EPB42: variants seen among roughly 807,000 people sequenced by gnomAD.
The protein encoded by EPB42 is erythrocyte membrane protein band 4.2.
In EPB42, 49 loss-of-function variants were observed where a neutral mutation model predicts 76.9. The ratio of observed to expected loss-of-function variants is 0.64; its 90% CI spans 0.51 to 0.81. The LOEUF is 0.81. Among genes scored for constraint, EPB42 ranks in the 30% least tolerant of loss-of-function variants. EPB42 has a pLI of 0.00. For synonymous variants in EPB42, 310 were observed against 338.4 expected, an observed-to-expected ratio of 0.92 and a Z score of 0.92; for missense variants, 731 against 867.6, an observed-to-expected ratio of 0.84 and a Z score of 1.98.
intron 4 of EPB42, among the ~76,000 whole-genome samples, 198 bp from the exon 5 acceptor site, chr15:43,210,637 G>C (rs1258420813): frequency 6.6e-6 from 1 of 152,108 alleles, no homozygotes; most frequent in Non-Finnish European, 1.5e-5. Flanking sequence ...ATGGGACCTG[G>C]GTTCCTTTTC....
chr15:43,221,821 T>TAAAAAAAAAAAAAAAAAAA, upstream of EPB42, among the ~76,000 whole-genome samples: 1 of 107,470 alleles, frequency 9.3e-6, no homozygotes, highest in Non-Finnish European at 1.9e-5. Flanking sequence ...TCTTATTATG[T>TAAAAAAAAAAAAAAAAAAA]AAAAAAAAAA....
At chr15:43,210,301 C>T (rs1039614446) in intron 5 of EPB42, 34 bp downstream of exon 5, 2 of 1,596,390 alleles carry the variant, frequency 1.3e-6, no homozygotes, top group Non-Finnish European at 1.7e-6. Context: ...TTTCTCACCC[C>T]TGCCCCATTC....
chr15:43,205,270 G>A lies in EPB42; in HGVS notation c.1618+1060C>T, dbSNP rs139122056. On this transcript the variant is annotated intron_variant, in intron 10 of 12. Coordinates refer to ENST00000441366, the MANE Select transcript of EPB42 (RefSeq NM_001114134.2). Reference sequence around the variant, plus strand: ...AAAGGGAAGAGTGATACAGAGACTGGAGGTGAGGTGACCGGTTAGAAGGCT... The same window carrying A: ...AAAGGGAAGAGTGATACAGAGACTGAAGGTGAGGTGACCGGTTAGAAGGCT... Among the ~76,000 whole-genome samples the A allele has an allele frequency of 1.2e-3, 184 of 152,324 alleles. 1 individual carries two copies. The highest frequency in any genetic ancestry group is 4.4e-3 in the African/African-American group (182 of 41,564).
At chr15:43,216,068 G>A (rs1464693432) in intron 2 of EPB42, among the ~76,000 whole-genome samples, 200 bp downstream of exon 2, 1 of 152,244 alleles carries the variant, frequency 6.6e-6, no homozygotes, top group East Asian at 1.9e-4. Context: ...CTGCTAGGCA[G>A]CTTCTGAGTC....
At chr15:43,204,199 G>GT (rs1167764906) in intron 10 of EPB42, among the ~76,000 whole-genome samples, 3 of 152,184 alleles carry the variant, frequency 2.0e-5, no homozygotes, top group South Asian at 2.1e-4. Context: ...AAGCTTCTCT[G>GT]TAAGTCCACT....
intron 3 of EPB42, among the ~76,000 whole-genome samples, chr15:43,214,415 G>A (rs190571410): frequency 2.0e-5 from 3 of 152,268 alleles, no homozygotes; most frequent in African/African-American, 7.2e-5. Context: ...GTAGGGTCCT[G>A]TCAGACCCTT....
chr15:43,206,099 G>A lies in EPB42; in HGVS notation c.1618+231C>T, dbSNP rs375643913. 41 of 520,626 alleles carry A rather than the reference G, an allele frequency of 7.9e-5. No individual in the cohort carries two copies. Among genetic ancestry groups the A allele is most frequent in the East Asian group, 1.8e-4 (6 of 33,778 alleles). The allele number at this position is 520,626 out of a possible 1,614,324, so 32.3% of individuals were successfully genotyped here. On this transcript the variant is annotated intron_variant, in intron 10 of 12. Transcript: ENST00000441366. The surrounding 1 kb of genome is among the most constrained non-coding windows in gnomAD (Gnocchi z 4.7). ...CAGCAAACACTTCTCACACTGCTAC[G>A]AAGGGTCTGTTTACTTATCTGACTG...
intron 3 of EPB42, among the ~76,000 whole-genome samples, chr15:43,213,579 C>T (rs888947652): frequency 3.3e-5 from 5 of 152,258 alleles, no homozygotes; most frequent in African/African-American, 4.8e-5. Context: ...GAACTCTTTG[C>T]TGGGTCTTTA....
chr15:43,204,728 T>A (rs1438453982), intron 10 of EPB42, among the ~76,000 whole-genome samples: 1 of 152,212 alleles, frequency 6.6e-6, no homozygotes, highest in Admixed American at 6.5e-5. Context: ...TAGTTTGGCC[T>A]TGATTTCTTG....
chr15:43,210,562 A>C (rs1596412069), intron 4 of EPB42, 123 bp from the exon 5 acceptor site: 1 of 838,632 alleles, frequency 1.2e-6, no homozygotes, highest in Non-Finnish European at 2.0e-6. Flanking sequence ...CCAGACCCGC[A>C]CTCCACACCT....
At chr15:43,217,954 G>A (rs972154685) in intron 1 of EPB42, among the ~76,000 whole-genome samples, 40 of 152,312 alleles carry the variant, frequency 2.6e-4, no homozygotes, top group African/African-American at 9.6e-4. Context: ...TGACATTATT[G>A]AATATGAAGA....
chr15:43,207,942 C>A (rs975725394), intron 8 of EPB42, among the ~76,000 whole-genome samples: 2 of 152,204 alleles, frequency 1.3e-5, no homozygotes, highest in African/African-American at 4.8e-5. Flanking sequence ...CTAGCACAGC[C>A]ACTTGCCATC....
rs1197299462 is a variant in EPB42, at chr15:43,209,143, C to T, written c.832+131G>A. 4.5e-6 allele frequency: 5 copies of T among 1,103,548 alleles called. No homozygotes were observed. In the African/African-American group the frequency reaches 7.7e-5, roughly 17 times the overall value. 68.4% of individuals were successfully genotyped at this position (1,103,548 alleles called of 1,614,324 possible). ...CGGGAGGAGCTGCCTGGGACAACTA[C>T]TTCTGTGTGATGAGATGGGGAAATG... On this transcript the variant is annotated intron_variant, in intron 6 of 12. Coordinates refer to ENST00000441366, the MANE Select transcript of EPB42 (RefSeq NM_001114134.2).
upstream of EPB42, among the ~76,000 whole-genome samples, chr15:43,221,642 G>A (rs2042461423): frequency 6.6e-6 from 1 of 152,114 alleles, no homozygotes; most frequent in Non-Finnish European, 1.5e-5. Context: ...CAGGGCAGCT[G>A]TACTTGCTGC....
chr15:43,220,649 A>AGCC, intron 1 of EPB42, 167 bp downstream of exon 1: 1 of 388,272 alleles, frequency 2.6e-6, no homozygotes, highest in Admixed American at 2.6e-5. Flanking sequence ...CACCTACCAC[A>AGCC]CCCCCCCCCC....
Position 43,204,963 on chromosome 15 carries a change from C to CA in EPB42, c.1618+1366_1618+1367insT, listed in dbSNP as rs2042177611. Among the ~76,000 whole-genome samples, 5 of 45,748 alleles carry CA rather than the reference C, an allele frequency of 1.1e-4. 1 individual carries two copies. Among genetic ancestry groups the CA allele is most frequent in the Admixed American group, 4.7e-4 (2 of 4,288 alleles). The allele number at this position is 45,748 out of a possible 152,430, so 30.0% of individuals were successfully genotyped here. ...CTCTGGCTCAGAAGGCTGCCCCCTCCGCCCCCCCCCCAAAAAAAAGTTCCC... is the reference window on the plus strand; with the variant it reads ...CTCTGGCTCAGAAGGCTGCCCCCTCCAGCCCCCCCCCCAAAAAAAAGTTCCC... On this transcript the variant is annotated intron_variant, in intron 10 of 12. Coordinates refer to ENST00000441366, the MANE Select transcript of EPB42 (RefSeq NM_001114134.2).
At chr15:43,207,682 C>A (rs904684880) in intron 8 of EPB42, among the ~76,000 whole-genome samples, 5 of 152,234 alleles carry the variant, frequency 3.3e-5, no homozygotes, top group African/African-American at 1.2e-4. Flanking sequence ...AGGAACTGGA[C>A]AGGCAGAAGC....
upstream of EPB42, chr15:43,221,171 C>T (rs925091113): frequency 8.0e-6 from 3 of 374,548 alleles, no homozygotes; most frequent in Admixed American, 1.2e-4. Context: ...AAGCCTAGAA[C>T]AAACCTTGAA....
Position 43,211,456 on chromosome 15 carries a change from G to A in EPB42, c.509C>T (p.Thr170Ile), listed in dbSNP as rs369606302. 6.2e-7 allele frequency: 1 copy of A among 1,614,026 alleles called. No individual in the cohort carries two copies. Among genetic ancestry groups the A allele is most frequent in the Non-Finnish European group, 8.5e-7 (1 of 1,179,876 alleles). Residue 170 changes from threonine to isoleucine, a missense_variant, in exon 4 of 13, where the codon ACA becomes ATA. Coordinates refer to ENST00000441366, the MANE Select transcript of EPB42 (RefSeq NM_001114134.2). ...LNQNGLIYLG[T>I]ADCIQAESWD... ...GGACTCTGCCTGGATGCAGTCAGCTGTACCCAGGTAGATGAGACCATTCTG... is the reference window on the plus strand; with the variant it reads ...GGACTCTGCCTGGATGCAGTCAGCTATACCCAGGTAGATGAGACCATTCTG...
Sources: gnomAD v4.1 joint callset for allele counts (sites outside exome capture counted in the v4.1 genomes callset) on GRCh38, gnomAD v4.1.1 for gene constraint, Gnocchi (gnomAD v3.1) non-coding constraint, MANE v1.5 for transcripts, NCBI Gene and HGNC (gene_info 2026-07-23, HGNC 2026-07-21) for gene names.